Variants in HK1 observed in about 807,000 individuals in gnomAD.
The protein encoded by HK1 is hexokinase-1.
A neutral mutation model predicts 91.6 loss-of-function variants in HK1; 28 were observed. The observed-to-expected ratio is 0.31, with a 90% confidence interval of 0.23 to 0.42. The LOEUF is 0.42. HK1 is among the 10% of genes least tolerant of loss of function. The pLI, the probability that HK1 is intolerant of heterozygous loss-of-function variation, is 1.00. For missense variants in HK1, 770 were observed against 1,219.8 expected (o/e 0.63, Z 5.49); for synonymous variants, 430 against 468.1 (o/e 0.92, Z 1.05).
At chr10:69,400,918 CT>C in intron 17 of HK1, 72 bp from the exon 18 acceptor site, 1 of 1,520,886 alleles carries the variant, frequency 6.6e-7, no homozygotes. Flanking sequence ...GCTGTCTGTG[CT>C]TTGGTGTTTT....
At chr10:69,329,271 T>C (rs1847563988) in intron 1 of HK1, among the ~76,000 whole-genome samples, 3 of 152,116 alleles carry the variant, frequency 2.0e-5, no homozygotes, top group African/African-American at 7.2e-5. Context: ...CAAGTGATTC[T>C]CCTGCCTCAG....
chr10:69,371,309 T>A (rs1246103881), intron 7 of HK1, among the ~76,000 whole-genome samples: 2 of 150,546 alleles, frequency 1.3e-5, no homozygotes, highest in African/African-American at 5.0e-5. Context: ...CAAAGGTTTT[T>A]TACCATACCC....
intron 1 of HK1, among the ~76,000 whole-genome samples, chr10:69,336,013 T>G (rs562783898): frequency 6.6e-6 from 1 of 152,302 alleles, no homozygotes; most frequent in African/African-American, 2.4e-5. Flanking sequence ...CATCTCTTTA[T>G]GTATGAGTGT....
chr10:69,370,479 T>C (rs1270125186), intron 7 of HK1, among the ~76,000 whole-genome samples: 6 of 152,178 alleles, frequency 3.9e-5, no homozygotes, highest in Non-Finnish European at 8.8e-5. Flanking sequence ...GTGTTGCTGT[T>C]CATGGTAAGA....
chr10:69,301,573 CAAAAAAAAA>C (rs3086649), intron 5 of HK1, among the ~76,000 whole-genome samples: 1 of 80,806 alleles, frequency 1.2e-5, no homozygotes, highest in African/African-American at 5.1e-5. Flanking sequence ...GACTCTGTCT[CAAAAAAAAA>C]AAAAAAAAAA....
chr10:69,290,538 G>A (rs1845251651), intron 3 of HK1, among the ~76,000 whole-genome samples: 1 of 151,994 alleles, frequency 6.6e-6, no homozygotes, highest in Non-Finnish European at 1.5e-5. Context: ...CACTCTTATT[G>A]CCCAGGCTGG....
intron 5 of HK1, among the ~76,000 whole-genome samples, chr10:69,302,965 C>A (rs546880067): frequency 3.9e-4 from 60 of 152,046 alleles, no homozygotes; most frequent in Non-Finnish European, 8.5e-4. Context: ...TAGACACTGG[C>A]ATAGTGTCCC....
chr10:69,306,850 A>G (rs932843092), intron 5 of HK1, among the ~76,000 whole-genome samples: 8 of 152,198 alleles, frequency 5.3e-5, no homozygotes, highest in Non-Finnish European at 1.2e-4. Flanking sequence ...TAGGGACAAA[A>G]TGGGAGGTGT....
At chr10:69,315,811 G>C, upstream of HK1, 1 of 794,696 alleles carries the variant, frequency 1.3e-6, no homozygotes, top group Non-Finnish European at 2.2e-6. Flanking sequence ...GTTGGGGGTG[G>C]GATGGACAGA....
At position 69,380,170 on chromosome 10, in the gene HK1, T is replaced by C. The variant is rs952394100; in HGVS notation, c.1265+75T>C. ...GGACCTTCTCCAGAGATCAGACTTT[T>C]GTACCCGGTAAACGTTTTTCGGCAG... On this transcript the variant is annotated intron_variant, in intron 9 of 17. Transcript: ENST00000359426. The surrounding 1 kb of genome is among the most constrained non-coding windows in gnomAD (Gnocchi z 4.0). 109 of 1,236,502 alleles carry C rather than the reference T, an allele frequency of 8.8e-5. No homozygotes were observed. Among genetic ancestry groups the C allele is most frequent in the Non-Finnish European group, 1.2e-4 (99 of 843,808 alleles). 76.6% of individuals were successfully genotyped at this position (1,236,502 alleles called of 1,614,324 possible). A position where few individuals can be genotyped will look rare whatever the true frequency, so the allele number is the denominator to read the frequency against.
chr10:69,325,342 C>T (rs1261131972), intron 1 of HK1, among the ~76,000 whole-genome samples: 2 of 150,730 alleles, frequency 1.3e-5, no homozygotes, highest in East Asian at 2.0e-4. Flanking sequence ...TGAGCCACCA[C>T]ACCCGGCCAT....
chr10:69,376,854 A>G, intron 7 of HK1, 80 bp from the exon 8 acceptor site: 2 of 1,569,716 alleles, frequency 1.3e-6, no homozygotes, highest in Non-Finnish European at 1.8e-6. Flanking sequence ...GGGGCTTCCC[A>G]TTCCTTTTAT....
At chr10:69,305,378 T>C (rs1415359190) in intron 5 of HK1, among the ~76,000 whole-genome samples, 1 of 152,140 alleles carries the variant, frequency 6.6e-6, no homozygotes, top group African/African-American at 2.4e-5. Context: ...ATTGATTAGT[T>C]TATTAGGACA....
intron 1 of HK1, among the ~76,000 whole-genome samples, chr10:69,277,376 T>G (rs1257747951): frequency 6.6e-6 from 1 of 152,108 alleles, no homozygotes; most frequent in Non-Finnish European, 1.5e-5. Context: ...GAGACCAGCC[T>G]GGGCAAAATG....
At chr10:69,382,918 A>T in intron 10 of HK1, 127 bp downstream of exon 10, 1 of 807,834 alleles carries the variant, frequency 1.2e-6, no homozygotes, top group Non-Finnish European at 2.0e-6. Context: ...AGAGCTAGAA[A>T]CTCCCTCACA....
upstream of HK1, chr10:69,316,001 C>T: frequency 6.2e-7 from 1 of 1,614,028 alleles, no homozygotes; most frequent in Non-Finnish European, 8.5e-7. Flanking sequence ...GGTGCTGAGG[C>T]CTGGGAGATT....
chr10:69,296,991 G>C (rs575208998), intron 4 of HK1, among the ~76,000 whole-genome samples: 2,547 of 152,222 alleles, frequency 0.017, 43 homozygotes, highest in Non-Finnish European at 0.026. Flanking sequence ...TTCCCAGTGG[G>C]AAGAAAGTAC....
At chr10:69,363,371 A>G (rs10998744) in intron 3 of HK1, among the ~76,000 whole-genome samples, 10,624 of 152,264 alleles carry the variant, frequency 0.07, 631 homozygotes, top group South Asian at 0.2. Flanking sequence ...CACATAGAAT[A>G]TTATCTTCTG....
intron 1 of HK1, among the ~76,000 whole-genome samples, chr10:69,319,543 C>A (rs1846885338): frequency 6.6e-6 from 1 of 152,266 alleles, no homozygotes; most frequent in African/African-American, 2.4e-5. Flanking sequence ...CGAGGTGACC[C>A]GCCCGGCTTC....
Sources: gnomAD v4.1 joint callset for allele counts (sites outside exome capture counted in the v4.1 genomes callset) on GRCh38, gnomAD v4.1.1 for gene constraint, Gnocchi (gnomAD v3.1) non-coding constraint, MANE v1.5 for transcripts, NCBI Gene and HGNC (gene_info 2026-07-23, HGNC 2026-07-21) for gene names.